SPNS3: variants seen among roughly 807,000 people sequenced by gnomAD.
SPNS3 encodes SPNS lysolipid transporter 3, sphingosine-1-phosphate (putative), also known as protein spinster homolog 3.
Under a neutral mutation model 54.4 loss-of-function variants are expected in SPNS3, and 51 were observed. The observed-to-expected ratio is 0.94, with a 90% CI of 0.75 to 1.18. The LOEUF (loss-of-function observed/expected upper bound fraction) is 1.18. Among genes scored for constraint, SPNS3 ranks in the 50% most tolerant of loss-of-function variants. The probability of loss-of-function intolerance (pLI) is 0.00; values close to 1 mark genes in which losing one functional copy is unlikely to be tolerated. For synonymous variants in SPNS3, 309 were observed against 294.7 expected (o/e 1.05, Z -0.50); for missense variants, 669 against 677.4 (o/e 0.99, Z 0.14).
chr17:4,448,617 T>C (rs1040946736), intron 6 of SPNS3, among the ~76,000 whole-genome samples: 1 of 152,218 alleles, frequency 6.6e-6, no homozygotes, highest in Non-Finnish European at 1.5e-5. Flanking sequence ...ATTCAATGGA[T>C]GGAATTCTCC....
intron 8 of SPNS3, among the ~76,000 whole-genome samples, chr17:4,472,478 T>C (rs1351335492): frequency 6.6e-6 from 1 of 152,212 alleles, no homozygotes; most frequent in Non-Finnish European, 1.5e-5. Context: ...TGCTCTGTCT[T>C]CTGGGATTCA....
intron 9 of SPNS3, among the ~76,000 whole-genome samples, chr17:4,481,085 C>A (rs1004733030): frequency 6.6e-6 from 1 of 152,016 alleles, no homozygotes; most frequent in Non-Finnish European, 1.5e-5. Context: ...CGAGGGTAGA[C>A]AATTCCCTTG....
chr17:4,486,717 C>T lies in SPNS3; in HGVS notation c.1450+134C>T. 1.0e-6 allele frequency: 1 copy of T among 958,654 alleles called. No homozygotes were observed. The highest frequency in any genetic ancestry group is 1.5e-6 in the Non-Finnish European group (1 of 668,454). The allele number at this position is 958,654 out of a possible 1,614,324, so 59.4% of individuals were successfully genotyped here. On this transcript the variant is annotated intron_variant, in intron 11 of 11. Coordinates refer to ENST00000355530, the MANE Select transcript of SPNS3 (RefSeq NM_182538.5). This position sits in a 1 kb window ranked among gnomAD's most constrained non-coding sequence, Gnocchi z 5.5. ...ATGCTTAGTACACCCCTGCTATGTA[C>T]CAGGGAAGGTTGCAGATGCTGGGGA...
intron 8 of SPNS3, among the ~76,000 whole-genome samples, chr17:4,473,536 C>T (rs1247602986): frequency 6.6e-6 from 1 of 152,042 alleles, no homozygotes; most frequent in Non-Finnish European, 1.5e-5. Context: ...TACAGGCACC[C>T]GCCGCCACAC....
At position 4,478,611 on chromosome 17, in the gene SPNS3, T is replaced by G; in HGVS notation, c.1153T>G (p.Trp385Gly). 2.5e-6 allele frequency: 4 copies of G among 1,589,998 alleles called. No homozygotes were observed. The highest frequency in any genetic ancestry group is 3.4e-6 in the Non-Finnish European group (4 of 1,168,274). ...TGGGGAGCTGCTTCTGTCCTGCAAC[T>G]GGGCAGTGGTTGCCGACATCCTGCT... is the stretch of plus-strand genomic sequence containing the variant. ...GLGELLLSCN[W>G]AVVADILLSV... The change falls in exon 9 of 12, where the codon TGG (tryptophan) becomes GGG (glycine). Residue 385 changes from tryptophan (W) to glycine (G), a missense_variant. Trp to Gly is a radical substitution (Grantham distance 184). Transcript: ENST00000355530.
intron 7 of SPNS3, among the ~76,000 whole-genome samples, chr17:4,451,509 C>T (rs887875672): frequency 6.6e-6 from 1 of 152,136 alleles, no homozygotes; most frequent in Non-Finnish European, 1.5e-5. Flanking sequence ...CATCGGTCAG[C>T]GTGGACCAGT....
At position 4,446,210 on chromosome 17, in the gene SPNS3, C is replaced by A; in HGVS notation, c.554+11C>A. 3 of 1,603,712 alleles carry A rather than the reference C, an allele frequency of 1.9e-6. No homozygotes were observed. Among genetic ancestry groups the A allele is most frequent in the South Asian group, 2.2e-5 (2 of 90,246 alleles). The stretch of plus-strand genomic sequence containing the variant: ...TATCCCCGTTGGAAGGTTGGTATCA[C>A]CCGTGGGTCTACTTCCCCAGGTGGT... On this transcript the variant is annotated intron_variant, in intron 4 of 11. Transcript: ENST00000355530.
intron 1 of SPNS3, among the ~76,000 whole-genome samples, chr17:4,435,022 G>A (rs2143960229): frequency 6.6e-6 from 1 of 151,720 alleles, no homozygotes; most frequent in South Asian, 2.1e-4. Flanking sequence ...AGGCTGTCTC[G>A]AACTCCAGAC....
At chr17:4,449,832 G>A (rs1405678064) in intron 7 of SPNS3, among the ~76,000 whole-genome samples, 1 of 152,146 alleles carries the variant, frequency 6.6e-6, no homozygotes, top group Non-Finnish European at 1.5e-5. Context: ...GGGATTTCAC[G>A]TGTGTGGGAA....
intron 9 of SPNS3, chr17:4,485,228 C>T (rs771338229): frequency 6.6e-6 from 1 of 152,002 alleles, no homozygotes; most frequent in Non-Finnish European, 1.5e-5. Context: ...AGGTAGCAGA[C>T]GAATAACGAT....
intron 1 of SPNS3, among the ~76,000 whole-genome samples, chr17:4,437,676 T>TA (rs1555528534): frequency 6.6e-6 from 1 of 150,378 alleles, no homozygotes. Context: ...CAAAAATAAA[T>TA]AAATAAAATA....
intron 2 of SPNS3, among the ~76,000 whole-genome samples, chr17:4,442,688 C>A (rs1235527001): frequency 6.6e-6 from 1 of 152,188 alleles, no homozygotes; most frequent in Non-Finnish European, 1.5e-5. Flanking sequence ...ACATGTCAGG[C>A]ACGATTCTAA....
At chr17:4,475,044 C>T (rs78687337) in intron 8 of SPNS3, among the ~76,000 whole-genome samples, 1,773 of 151,628 alleles carry the variant, frequency 0.012, 43 homozygotes, top group African/African-American at 0.04. Context: ...TTGGCGCGGC[C>T]GCATGTGTGA....
intron 8 of SPNS3, among the ~76,000 whole-genome samples, chr17:4,475,718 G>A (rs1170397447): frequency 2.6e-5 from 4 of 152,170 alleles, no homozygotes; most frequent in Non-Finnish European, 2.9e-5. Context: ...GCCTGTGGCC[G>A]TCCAGGAAGG....
intron 8 of SPNS3, among the ~76,000 whole-genome samples, chr17:4,469,496 G>A (rs1971798001): frequency 6.6e-6 from 1 of 151,924 alleles, no homozygotes; most frequent in Admixed American, 6.6e-5. Flanking sequence ...GTGGGTGCCT[G>A]CAGTCCCAGT....
intron 11 of SPNS3, 124 bp from the exon 12 acceptor site, chr17:4,487,682 G>C (rs147090269): frequency 2.3e-6 from 2 of 857,460 alleles, no homozygotes; most frequent in African/African-American, 3.3e-5. Context: ...CAAGGGGTTG[G>C]ATCTGGAATG....
intron 8 of SPNS3, among the ~76,000 whole-genome samples, chr17:4,459,233 C>G (rs1971428140): frequency 6.6e-6 from 1 of 152,098 alleles, no homozygotes. Context: ...TTAGCAGGGT[C>G]CAGGTCTGGT....
intron 8 of SPNS3, among the ~76,000 whole-genome samples, chr17:4,462,826 C>CACCCATCCGCCA (rs1166437132): frequency 1.4e-5 from 2 of 147,076 alleles, no homozygotes. Flanking sequence ...TCCATCCATC[C>CACCCATCCGCCA]ATCCATCCAT....
intron 9 of SPNS3, among the ~76,000 whole-genome samples, chr17:4,479,606 GCCTT>G (rs1972102502): frequency 6.6e-6 from 1 of 152,224 alleles, no homozygotes; most frequent in Non-Finnish European, 1.5e-5. Context: ...CACCCTGAGA[GCCTT>G]CCTTCTGCCT....
Sources: gnomAD v4.1 joint callset for allele counts (sites outside exome capture counted in the v4.1 genomes callset) on GRCh38, gnomAD v4.1.1 for gene constraint, Gnocchi (gnomAD v3.1) non-coding constraint, MANE v1.5 for transcripts, NCBI Gene and HGNC (gene_info 2026-07-23, HGNC 2026-07-21) for gene names.